LRBA: variants seen among roughly 807,000 people sequenced by gnomAD.
LRBA encodes the protein LPS responsive beige-like anchor protein.
In LRBA, 176 loss-of-function variants were observed where a neutral mutation model predicts 330.0. That is an observed-to-expected ratio of 0.53 (90% CI 0.47 to 0.60). The LOEUF is 0.60. Among genes scored for constraint, LRBA ranks in the 20% least tolerant of loss-of-function variants. LRBA has a pLI of 0.00. For missense variants in LRBA, 3,259 were observed against 3,444.8 expected (o/e 0.95, Z 1.35); for synonymous variants, 1,230 against 1,193.0 (o/e 1.03, Z -0.64).
chr4:150,287,754 A>G (rs1479815313), intron 53 of LRBA, among the ~76,000 whole-genome samples: 1 of 152,198 alleles, frequency 6.6e-6, no homozygotes, highest in African/African-American at 2.4e-5. Flanking sequence ...TAACATACAA[A>G]GAGGCAAGGG....
chr4:150,774,779 A>C (rs1377043669), intron 34 of LRBA, among the ~76,000 whole-genome samples: 1 of 152,204 alleles, frequency 6.6e-6, no homozygotes, highest in African/African-American at 2.4e-5. Flanking sequence ...CTTCCTTCAC[A>C]AAGTTCTGGT....
intron 48 of LRBA, among the ~76,000 whole-genome samples, chr4:150,337,335 T>A (rs1734890219): frequency 6.6e-6 from 1 of 152,172 alleles, no homozygotes; most frequent in Non-Finnish European, 1.5e-5. Flanking sequence ...ATAAAAATAT[T>A]AATATTTTGC....
At chr4:150,697,155 T>C (rs1410656445) in intron 36 of LRBA, among the ~76,000 whole-genome samples, 5 of 149,260 alleles carry the variant, frequency 3.3e-5, no homozygotes, top group Admixed American at 3.3e-4. Context: ...TGAAACCCCA[T>C]CTCTACTAAA....
intron 2 of LRBA, among the ~76,000 whole-genome samples, chr4:150,944,302 C>G (rs1736003291): frequency 6.6e-6 from 1 of 152,156 alleles, no homozygotes; most frequent in East Asian, 1.9e-4. Context: ...ATTCCTGTAT[C>G]ATAAATTTTT....
At chr4:150,434,149 G>A (rs1415773266) in intron 46 of LRBA, among the ~76,000 whole-genome samples, 1 of 151,738 alleles carries the variant, frequency 6.6e-6, no homozygotes, top group African/African-American at 2.4e-5. Context: ...TCTCCCATAT[G>A]GTATAATTAT....
intron 37 of LRBA, among the ~76,000 whole-genome samples, chr4:150,671,070 G>C (rs1224212773): frequency 2.0e-5 from 3 of 151,570 alleles, no homozygotes; most frequent in Non-Finnish European, 4.4e-5. Context: ...GAGACAGAGA[G>C]AGAGATTAGG....
intron 35 of LRBA, among the ~76,000 whole-genome samples, chr4:150,757,837 C>T (rs1438530368): frequency 6.6e-6 from 1 of 152,130 alleles, no homozygotes; most frequent in Non-Finnish European, 1.5e-5. Flanking sequence ...GCTTCCACCA[C>T]TGTTTATTTC....
intron 2 of LRBA, among the ~76,000 whole-genome samples, chr4:150,982,810 A>G (rs148637245): frequency 2.0e-4 from 30 of 152,330 alleles, no homozygotes; most frequent in African/African-American, 7.0e-4. Context: ...GAGACTATGA[A>G]TGTAATGGAA....
intron 2 of LRBA, among the ~76,000 whole-genome samples, chr4:150,999,518 C>A (rs1400362103): frequency 1.3e-5 from 2 of 151,836 alleles, no homozygotes. Context: ...CTGCCTCTGT[C>A]TCCCAAAGTC....
chr4:150,905,141 T>C (rs1234900177), intron 13 of LRBA, among the ~76,000 whole-genome samples: 1 of 152,152 alleles, frequency 6.6e-6, no homozygotes, highest in African/African-American at 2.4e-5. Context: ...TCATATACCT[T>C]ACCACAAATT....
rs975677237 is a variant in LRBA, at chr4:150,539,490, T to C, written c.6331-48455A>G. The stretch of plus-strand genomic sequence containing the variant: ...AAATAGATTTCCAATGCCCTATCTC[T>C]AAAAGTTGGAAACATTCTGAAATAA... On this transcript the variant is annotated intron_variant, in intron 40 of 56. Transcript: ENST00000651943. 3.9e-5 allele frequency among the ~76,000 whole-genome samples: 6 copies of C among 152,268 alleles called. 1 individual carries two copies. Among genetic ancestry groups the C allele is most frequent in the Admixed American group, 2.6e-4 (4 of 15,286 alleles).
intron 47 of LRBA, among the ~76,000 whole-genome samples, chr4:150,398,911 AGCCACCATGCCC>A (rs1419091853): frequency 6.6e-6 from 1 of 152,186 alleles, no homozygotes; most frequent in African/African-American, 2.4e-5. Context: ...TACAGGTGTG[AGCCACCATGCCC>A]AGCCCTTTTC....
At chr4:150,867,527 T>G (rs1260027999) in intron 22 of LRBA, 144 bp downstream of exon 22, 4 of 598,084 alleles carry the variant, frequency 6.7e-6, no homozygotes, top group Non-Finnish European at 1.1e-5. Context: ...ATTGATAATC[T>G]TTTTGAGCTT....
intron 5 of LRBA, among the ~76,000 whole-genome samples, chr4:150,917,678 G>A (rs1321959281): frequency 6.6e-6 from 1 of 152,124 alleles, no homozygotes; most frequent in African/African-American, 2.4e-5. Context: ...TGTAATCCCA[G>A]CACTTTGGGA....
chr4:150,277,578 T>C (rs1340665272), intron 56 of LRBA, among the ~76,000 whole-genome samples: 1 of 152,188 alleles, frequency 6.6e-6, no homozygotes, highest in Non-Finnish European at 1.5e-5. Context: ...TGTTCTTGGT[T>C]TGATTGTACA....
chr4:150,320,633 C>A (rs566237184), intron 50 of LRBA, among the ~76,000 whole-genome samples: 104 of 152,010 alleles, frequency 6.8e-4, no homozygotes, highest in Middle Eastern at 3.4e-3. Flanking sequence ...ATAGCGAGCC[C>A]ATCTCTACGA....
Position 150,872,747 on chromosome 4 carries a change from T to C in LRBA, c.2174A>G (p.Tyr725Cys). ...FDQRNGLRVI[Y>C]KLLASKSEGI... The stretch of plus-strand genomic sequence containing the variant: ...TTCACTTTTCGATGCCAGAAGTTTG[T>C]AGATAACACTGAATGAATAAAAATT... The change falls in exon 18 of 57, where the codon TAC becomes TGC. Residue 725 changes from tyrosine to cysteine, a missense_variant. Physicochemically the swap from Tyr to Cys is radical, Grantham distance 194. Coordinates refer to ENST00000651943, the MANE Select transcript of LRBA (RefSeq NM_001364905.1). 6.4e-7 allele frequency: 1 copy of C among 1,568,556 alleles called. No individual in the cohort carries two copies. The highest frequency in any genetic ancestry group is 8.7e-7 in the Non-Finnish European group (1 of 1,144,790).
chr4:150,874,916 T>C (rs1049668306), intron 17 of LRBA, among the ~76,000 whole-genome samples: 1 of 152,146 alleles, frequency 6.6e-6, no homozygotes, highest in Non-Finnish European at 1.5e-5. Flanking sequence ...CACTCTTCCT[T>C]TGCAGAGATC....
At chr4:150,431,442 A>G (rs1638888950) in intron 46 of LRBA, among the ~76,000 whole-genome samples, 1 of 152,172 alleles carries the variant, frequency 6.6e-6, no homozygotes, top group African/African-American at 2.4e-5. Context: ...CACTGCCCCA[A>G]GACAGCAGCC....
Sources: allele counts gnomAD v4.1 joint callset (sites outside exome capture counted in the v4.1 genomes callset), GRCh38; gene constraint gnomAD v4.1.1; transcripts MANE v1.5; gene names NCBI Gene and HGNC (gene_info 2026-07-23, HGNC 2026-07-21).